The following MARK3 variants were observed in gnomAD, a reference collection of about 807,000 sequenced individuals.
The protein encoded by MARK3 is microtubule affinity regulating kinase 3, also known as MAP/microtubule affinity-regulating kinase 3.
In MARK3, 46 loss-of-function variants were observed where a neutral mutation model predicts 90.1. The observed-to-expected ratio is 0.51, with a 90% confidence interval of 0.40 to 0.65. The LOEUF is 0.65. Ranked by LOEUF, MARK3 falls within the 30% of genes least tolerant of loss-of-function variation. The pLI is 0.00. For synonymous variants in MARK3, 321 were observed against 332.6 expected (o/e 0.97, Z 0.38); for missense variants, 818 against 947.2 (o/e 0.86, Z 1.79).
Position 103,452,058 on chromosome 14 carries a change from A to G in MARK3, c.412+75A>G, listed in dbSNP as rs1167501686. The G allele has an allele frequency of 4.3e-6, 4 of 934,714 alleles. No individual in the cohort carries two copies. The Admixed American group carries it at 8.3e-5, about 19-fold the overall frequency. 57.9% of individuals were successfully genotyped at this position (934,714 alleles called of 1,614,324 possible). ...AAAAATACACAACCATACTGCCCAT[A>G]TGGGTCATCATTAAGGTCTCATTTA... On this transcript the variant is annotated intron_variant, in intron 5 of 17. Transcript: ENST00000429436.
At chr14:103,474,364 T>C (rs1460540055) in intron 12 of MARK3, among the ~76,000 whole-genome samples, 4 of 151,784 alleles carry the variant, frequency 2.6e-5, no homozygotes, top group Non-Finnish European at 5.9e-5. Context: ...TACAGGACAT[T>C]AGTCTGTCAT....
chr14:103,419,776 CA>C (rs992052337), intron 2 of MARK3, among the ~76,000 whole-genome samples: 5 of 151,700 alleles, frequency 3.3e-5, no homozygotes, highest in African/African-American at 1.2e-4. Flanking sequence ...TAGTGACTGA[CA>C]AAAAAAGTTA....
chr14:103,391,203 G>A (rs950519100), intron 1 of MARK3, among the ~76,000 whole-genome samples: 1 of 152,130 alleles, frequency 6.6e-6, no homozygotes, highest in Non-Finnish European at 1.5e-5. Flanking sequence ...ACAGTACGTA[G>A]GACAGCCTTC....
At chr14:103,399,162 AT>A (rs1296630213) in intron 1 of MARK3, among the ~76,000 whole-genome samples, 3 of 152,146 alleles carry the variant, frequency 2.0e-5, no homozygotes, top group Non-Finnish European at 2.9e-5. Flanking sequence ...GCCGGCAAGG[AT>A]TTTTTTAAAA....
At position 103,470,453 on chromosome 14, in the gene MARK3, C is replaced by CTTTTTTTTTTTTTTTT. The variant is rs1555396272; in HGVS notation, c.1264+2268_1264+2269insTTTTTTTTTTTTTTTT. ...CTATTCCAGGATTCAGGAACTAAAT[C>CTTTTTTTTTTTTTTTT]TATTTTTTTTTTTTTTTTTGAGATG... On this transcript the variant is annotated intron_variant, in intron 12 of 17. Transcript: ENST00000429436. Among the ~76,000 whole-genome samples, 25 of 24,202 alleles carry CTTTTTTTTTTTTTTTT rather than the reference C, an allele frequency of 1.0e-3. 2 individuals are homozygous for CTTTTTTTTTTTTTTTT. Among genetic ancestry groups the CTTTTTTTTTTTTTTTT allele is most frequent in the Admixed American group, 3.2e-3 (5 of 1,544 alleles). 15.9% of individuals were successfully genotyped at this position (24,202 alleles called of 152,430 possible).
rs369054318 is a variant in MARK3, at chr14:103,428,367, A to G, written c.244-20A>G. 3.5e-5 allele frequency: 45 copies of G among 1,277,124 alleles called. No individual in the cohort carries two copies. The African/African-American group carries it at 5.5e-4, about 16-fold the overall frequency. 79.1% of individuals were successfully genotyped at this position (1,277,124 alleles called of 1,614,324 possible). On this transcript the variant is annotated intron_variant, in intron 2 of 17. Transcript: ENST00000429436. ...ATTACTAAATTCTTAAAATCCATAA[A>G]TATTTATTATTCTTTCTAGGTTGCA...
chr14:103,425,750 G>A (rs1435341817), intron 2 of MARK3, among the ~76,000 whole-genome samples: 1 of 152,074 alleles, frequency 6.6e-6, no homozygotes, highest in Non-Finnish European at 1.5e-5. Flanking sequence ...CCAACTTTGC[G>A]TTTTTCAGGC....
In MARK3 at chr14:103,465,796, A is replaced by G. The variant is rs1485155034; in HGVS notation, c.777+3A>G. 1.2e-6 allele frequency: 2 copies of G among 1,610,666 alleles called. No individual in the cohort carries two copies. Among genetic ancestry groups the G allele is most frequent in the Admixed American group, 1.7e-5 (1 of 59,758 alleles). ...CCTTTGATGGGCAAAACCTAAAGGT[A>G]TAAGAAGCTGCACCCATGTACTTCA... On this transcript the variant is annotated splice_donor_region_variant and intron_variant, in intron 8 of 17. Coordinates refer to ENST00000429436, the MANE Select transcript of MARK3 (RefSeq NM_001128918.3).
rs139671495 is a variant in MARK3 at position 103,418,570 on chromosome 14, C to G, written c.244-9817C>G. Reference sequence around the variant, plus strand: ...CTGGGAGGAACTGATGATCCCACCCCTCAGTCACTTAGTCCTCCCCCGCCT... The same window carrying G: ...CTGGGAGGAACTGATGATCCCACCCGTCAGTCACTTAGTCCTCCCCCGCCT... On this transcript the variant is annotated intron_variant, in intron 2 of 17. Coordinates refer to ENST00000429436, the MANE Select transcript of MARK3 (RefSeq NM_001128918.3). Among the ~76,000 whole-genome samples, 313 of 152,260 alleles carry G rather than the reference C, an allele frequency of 2.1e-3. No individual in the cohort carries two copies. The Middle Eastern group carries it at 0.027, about 13-fold the overall frequency.
intron 2 of MARK3, among the ~76,000 whole-genome samples, chr14:103,425,749 C>T (rs1185324784): frequency 2.6e-5 from 4 of 152,098 alleles, no homozygotes; most frequent in Non-Finnish European, 5.9e-5. Flanking sequence ...TCCAACTTTG[C>T]GTTTTTCAGG....
intron 4 of MARK3, among the ~76,000 whole-genome samples, chr14:103,450,630 G>A (rs1021033960): frequency 6.6e-5 from 10 of 152,182 alleles, no homozygotes; most frequent in African/African-American, 2.2e-4. Context: ...CAGTCTGAAC[G>A]TATCAGAGTC....
intron 3 of MARK3, among the ~76,000 whole-genome samples, chr14:103,435,511 C>A (rs1444131461): frequency 1.3e-5 from 2 of 152,014 alleles, no homozygotes; most frequent in African/African-American, 2.4e-5. Context: ...TGGGTTCACG[C>A]CATTCTCCTG....
intron 1 of MARK3, among the ~76,000 whole-genome samples, chr14:103,404,463 C>T (rs1171616304): frequency 1.3e-5 from 2 of 152,112 alleles, no homozygotes; most frequent in Non-Finnish European, 2.9e-5. Context: ...ATTCTTGGGC[C>T]TGAATATTTC....
chr14:103,493,591 C>T (rs1478088546), intron 15 of MARK3, among the ~76,000 whole-genome samples: 2 of 152,052 alleles, frequency 1.3e-5, no homozygotes, highest in Non-Finnish European at 2.9e-5. Flanking sequence ...CCATTCCTTC[C>T]TGGCCAGCCG....
intron 14 of MARK3, among the ~76,000 whole-genome samples, chr14:103,488,088 G>C (rs1402908712): frequency 6.6e-6 from 1 of 152,014 alleles, no homozygotes. Context: ...TCATGTGTAC[G>C]TGTGTCTGTA....
At chr14:103,398,989 T>C (rs2090764346) in intron 1 of MARK3, among the ~76,000 whole-genome samples, 1 of 152,196 alleles carries the variant, frequency 6.6e-6, no homozygotes, top group African/African-American at 2.4e-5. Context: ...TGAAACATAG[T>C]GTAAAGTTGT....
At chr14:103,500,234 C>G in intron 17 of MARK3, 34 bp downstream of exon 17, 1 of 1,515,558 alleles carries the variant, frequency 6.6e-7, no homozygotes, top group East Asian at 2.3e-5. Context: ...AAATTTTTTT[C>G]AGGTGTTTAC....
At chr14:103,502,650 G>C (rs1256850963) in intron 17 of MARK3, among the ~76,000 whole-genome samples, 1 of 152,222 alleles carries the variant, frequency 6.6e-6, no homozygotes, top group Non-Finnish European at 1.5e-5. Context: ...CAGGTGGCTG[G>C]TGAAGATTTT....
intron 14 of MARK3, among the ~76,000 whole-genome samples, chr14:103,482,291 C>T (rs946825713): frequency 6.6e-6 from 1 of 151,658 alleles, no homozygotes; most frequent in East Asian, 2.0e-4. Context: ...GAGGCCAAGG[C>T]AGGTGGATCA....
Sources: gnomAD v4.1 joint callset for allele counts (sites outside exome capture counted in the v4.1 genomes callset) on GRCh38, gnomAD v4.1.1 for gene constraint, MANE v1.5 for transcripts, NCBI Gene and HGNC (gene_info 2026-07-23, HGNC 2026-07-21) for gene names.